OASL: variants seen among roughly 807,000 people sequenced by gnomAD.
OASL encodes the protein 2'-5'-oligoadenylate synthetase like.
OASL carries 28 observed loss-of-function variants against 35.3 expected under a neutral mutation model. The observed-to-expected ratio is 0.79, with a 90% CI of 0.59 to 1.09. OASL has a LOEUF of 1.09. Among genes scored for constraint, OASL ranks in the 50% least tolerant of loss-of-function variants. OASL has a pLI of 0.00. For missense variants in OASL, 620 were observed against 635.2 expected (o/e 0.98, Z 0.26); for synonymous variants, 252 against 254.6 (o/e 0.99, Z 0.10).
chr12:121,031,714 A>G, intron 2 of OASL, 97 bp from the exon 3 acceptor site: 1 of 1,019,304 alleles, frequency 9.8e-7, no homozygotes, highest in Non-Finnish European at 1.5e-6. Flanking sequence ...CATTGGAAGT[A>G]TCCCTCCAGG....
exon 6 of OASL, chr12:121,020,380 C>A: frequency 3.2e-6 from 2 of 620,598 alleles, no homozygotes; most frequent in Non-Finnish European, 5.5e-6. Flanking sequence ...AGCGCTCCTC[C>A]CACCTCGGCC....
At chr12:121,033,617 A>C (rs768970379) in exon 2 of OASL, 2 of 1,614,162 alleles carry the variant, frequency 1.2e-6, no homozygotes, top group Non-Finnish European at 8.5e-7. Context: ...ATGGTTTTCC[A>C]TATCAGCCTC....
exon 6 of OASL, chr12:121,020,212 C>A: frequency 4.7e-6 from 1 of 210,634 alleles, no homozygotes; most frequent in Non-Finnish European, 9.7e-6. Context: ...CAGCTCACTG[C>A]AGCTTCAGCC....
In OASL at chr12:121,021,042, T is replaced by C. The variant is rs1431985689; in HGVS notation, c.1064A>G (p.His355Arg). Residue 355 changes from histidine to arginine, a missense_variant, in exon 6 of 6, where the codon CAC becomes CGC. By Grantham distance (29) the His-to-Arg change is conservative. Transcript: ENST00000257570. ...GTAACCCCTCTGCTCCACTGTCAAG[T>C]GGATGTCTCGTGCCCTCTGGAAGGG... The C allele has an allele frequency of 1.9e-6, 3 of 1,593,050 alleles. No individual in the cohort carries two copies. In the Admixed American group the frequency reaches 5.2e-5, roughly 28 times the overall value.
chr12:121,038,091 A>AAG (rs1870027489), intron 1 of OASL, among the ~76,000 whole-genome samples: 1 of 152,048 alleles, frequency 6.6e-6, no homozygotes, highest in Non-Finnish European at 1.5e-5. Flanking sequence ...TGTCTCTAAA[A>AAG]AAAAAAAAAG....
chr12:121,021,098 C>T, intron 5 of OASL, 40 bp from the exon 6 acceptor site: 1 of 1,510,200 alleles, frequency 6.6e-7, no homozygotes, highest in Non-Finnish European at 8.8e-7. Flanking sequence ...TAAGTCCACA[C>T]TTCTTTGTCT....
At chr12:121,027,860 A>G (rs1869556845) in intron 3 of OASL, 43 bp from the exon 4 acceptor site, 1 of 1,548,042 alleles carries the variant, frequency 6.5e-7, no homozygotes, top group Non-Finnish European at 8.9e-7. Context: ...AGACCCTAAG[A>G]TTCTGTGTAA....
chr12:121,024,273 C>T, intron 4 of OASL, 136 bp from the exon 5 acceptor site: 1 of 852,570 alleles, frequency 1.2e-6, no homozygotes, highest in South Asian at 1.7e-5. Context: ...TCAAGAGGGC[C>T]CCAAAACACC....
intron 2 of OASL, 90 bp from the exon 3 acceptor site, chr12:121,031,707 T>C (rs909788886): frequency 2.7e-5 from 30 of 1,109,742 alleles, no homozygotes; most frequent in Non-Finnish European, 3.5e-5. Context: ...GCCTTTACAT[T>C]GGAAGTATCC....
chr12:121,033,206 G>T (rs1869810913), intron 2 of OASL, among the ~76,000 whole-genome samples: 1 of 152,010 alleles, frequency 6.6e-6, no homozygotes, highest in Admixed American at 6.6e-5. Flanking sequence ...TTACAGGCGT[G>T]AGCCACCGCG....
At chr12:121,036,384 T>C (rs887574974) in intron 1 of OASL, among the ~76,000 whole-genome samples, 1 of 152,224 alleles carries the variant, frequency 6.6e-6, no homozygotes, top group Non-Finnish European at 1.5e-5. Flanking sequence ...TCCTCATTAG[T>C]CATGGCTCAC....
At chr12:121,038,680 G>A in intron 1 of OASL, 94 bp downstream of exon 1, 1 of 1,210,446 alleles carries the variant, frequency 8.3e-7, no homozygotes, top group African/African-American at 1.5e-5. Flanking sequence ...CATGGGCTAG[G>A]GATAAGGAGG....
chr12:121,022,186 A>G (rs1869270033), intron 5 of OASL, among the ~76,000 whole-genome samples: 1 of 149,016 alleles, frequency 6.7e-6, no homozygotes, highest in Admixed American at 6.8e-5. Context: ...TCCCAGGTTC[A>G]AGCGATTCTC....
intron 1 of OASL, among the ~76,000 whole-genome samples, chr12:121,036,332 G>T (rs1175457374): frequency 6.6e-6 from 1 of 152,228 alleles, no homozygotes; most frequent in Admixed American, 6.5e-5. Flanking sequence ...TTTTCAGAGG[G>T]TGGGGAACGG....
chr12:121,019,802 G>GT (rs1171647678), exon 6 of OASL: 2 of 152,262 alleles, frequency 1.3e-5, no homozygotes, highest in African/African-American at 4.8e-5. Flanking sequence ...CAGGGATGCC[G>GT]TGATTGAGGC....
At chr12:121,036,284 C>G (rs567450426) in intron 1 of OASL, among the ~76,000 whole-genome samples, 1 of 152,156 alleles carries the variant, frequency 6.6e-6, no homozygotes, top group Non-Finnish European at 1.5e-5. Flanking sequence ...CATTTGAAGA[C>G]GAGCATTCCC....
chr12:121,020,813 G>A, exon 6 of OASL: 1 of 1,614,220 alleles, frequency 6.2e-7, no homozygotes, highest in Non-Finnish European at 8.5e-7. Flanking sequence ...GGATCTCGGA[G>A]GGGATGGTCT....
intron 3 of OASL, among the ~76,000 whole-genome samples, chr12:121,031,153 C>A (rs78236890): frequency 6.7e-6 from 1 of 149,232 alleles, no homozygotes; most frequent in Non-Finnish European, 1.5e-5. Flanking sequence ...GATCCTGTCT[C>A]AAAAAAAAAT....
intron 1 of OASL, among the ~76,000 whole-genome samples, chr12:121,038,100 A>AG (rs904673628): frequency 2.6e-5 from 4 of 151,978 alleles, no homozygotes; most frequent in African/African-American, 9.7e-5. Context: ...AAAAAAAAAA[A>AG]GTCATTTTAT....
Sources: allele counts gnomAD v4.1 joint callset (sites outside exome capture counted in the v4.1 genomes callset), GRCh38; gene constraint gnomAD v4.1.1; transcripts MANE v1.5; gene names NCBI Gene and HGNC (gene_info 2026-07-23, HGNC 2026-07-21).